UBA6: variants seen among roughly 807,000 people sequenced by gnomAD.
UBA6 encodes ubiquitin like modifier activating enzyme 6, also known as ubiquitin-like modifier-activating enzyme 6.
In UBA6, 87 loss-of-function variants were observed where a neutral mutation model predicts 148.3. The observed-to-expected ratio is 0.59, with a 90% CI of 0.49 to 0.70. The LOEUF is 0.70. UBA6 is among the 30% of genes least tolerant of loss of function. The pLI is 0.00. For missense variants in UBA6, 1,186 were observed against 1,241.2 expected (o/e 0.96, Z 0.67); for synonymous variants, 376 against 401.0 (o/e 0.94, Z 0.75).
intron 17 of UBA6, among the ~76,000 whole-genome samples, chr4:67,643,630 G>C (rs1030008220): frequency 1.3e-5 from 2 of 151,904 alleles, no homozygotes; most frequent in African/African-American, 4.8e-5. Flanking sequence ...TTTCAATTTA[G>C]GATTTTTTCT....
In UBA6 at chr4:67,633,646, G is replaced by A. The variant is rs190187773; in HGVS notation, c.2014-173C>T. Among the ~76,000 whole-genome samples, 49 of 151,676 alleles carry A rather than the reference G, an allele frequency of 3.2e-4. 1 individual carries two copies. Among genetic ancestry groups the A allele is most frequent in the African/African-American group, 1.1e-3 (47 of 41,340 alleles). On this transcript the variant is annotated intron_variant, in intron 22 of 32. Coordinates refer to ENST00000322244, the MANE Select transcript of UBA6 (RefSeq NM_018227.6). ...TTCTTTAACCTTTCTTTTCTTTTCT[G>A]TTTGAGAAGGGGAATGGTAAGAGAT...
chr4:67,662,012 T>C, intron 13 of UBA6, 177 bp downstream of exon 13: 1 of 547,182 alleles, frequency 1.8e-6, no homozygotes, highest in Non-Finnish European at 3.2e-6. Context: ...AATAACCCTA[T>C]GAAGGTAGGT....
intron 1 of UBA6, among the ~76,000 whole-genome samples, chr4:67,697,175 T>G (rs1730861873): frequency 6.6e-6 from 1 of 152,160 alleles, no homozygotes; most frequent in East Asian, 1.9e-4. Context: ...CCAATTAATT[T>G]TGTAATTTTA....
At chr4:67,628,170 C>T (rs1360159187) in intron 27 of UBA6, among the ~76,000 whole-genome samples, 1 of 151,794 alleles carries the variant, frequency 6.6e-6, no homozygotes, top group Admixed American at 6.6e-5. Context: ...GTGACTCTTC[C>T]ACTTCACTGG....
intron 8 of UBA6, among the ~76,000 whole-genome samples, chr4:67,669,616 CA>C (rs1000442851): frequency 5.3e-5 from 8 of 149,834 alleles, no homozygotes; most frequent in African/African-American, 1.7e-4. Context: ...TTCTTTTATG[CA>C]AAAAAAAATT....
At chr4:67,662,920 A>G in intron 12 of UBA6, 1 of 381,010 alleles carries the variant, frequency 2.6e-6, no homozygotes, top group Non-Finnish European at 4.7e-6. Flanking sequence ...AAAGGCTTCA[A>G]AGTGGAAAAA....
intron 9 of UBA6, among the ~76,000 whole-genome samples, chr4:67,665,505 T>A (rs1024366374): frequency 2.7e-5 from 4 of 149,680 alleles, no homozygotes; most frequent in African/African-American, 9.8e-5. Context: ...AATGTGAAAC[T>A]CCAGGACTTA....
intron 13 of UBA6, among the ~76,000 whole-genome samples, chr4:67,651,345 G>C (rs575555321): frequency 3.4e-4 from 52 of 152,204 alleles, no homozygotes; most frequent in South Asian, 1.2e-3. Context: ...ATTTGACTCT[G>C]CATATCAAAA....
intron 13 of UBA6, among the ~76,000 whole-genome samples, chr4:67,654,669 C>A (rs1220715839): frequency 6.6e-6 from 1 of 152,112 alleles, no homozygotes; most frequent in Non-Finnish European, 1.5e-5. Context: ...ATGATGGGAT[C>A]AAATTCACAT....
In UBA6 at chr4:67,701,059, C is replaced by T; in HGVS notation, c.61G>A (p.Gly21Arg). 1 of 1,613,810 alleles carries T rather than the reference C, an allele frequency of 6.2e-7. No individual in the cohort carries two copies. ...TTCTCGTCCTCTCACCTGCCAGTCC[C>T]CCAGGAAGAACAGGACGCCTCTTCC... ...QGEEASCSSW[G>R]TGSTNKNLPI... The change falls in exon 1 of 33, where the codon GGG becomes AGG. Residue 21 changes from glycine to arginine, a missense_variant. Transcript: ENST00000322244.
At chr4:67,678,320 G>GTA in intron 5 of UBA6, 119 bp downstream of exon 5, 1 of 504,752 alleles carries the variant, frequency 2.0e-6, no homozygotes, top group East Asian at 3.4e-5. Flanking sequence ...ATCTTTACCT[G>GTA]TATAAAGTAG....
chr4:67,691,341 GA>G (rs1401892779), intron 2 of UBA6, among the ~76,000 whole-genome samples: 2 of 152,146 alleles, frequency 1.3e-5, no homozygotes, highest in Non-Finnish European at 2.9e-5. Flanking sequence ...CAGTTAAGAG[GA>G]ATGTAAACAG....
rs1728589495 is a variant in UBA6, at chr4:67,614,473, G to A, written c.*4524C>T. The A allele has an allele frequency of 1.3e-5, 2 of 152,100 alleles. No individual in the cohort carries two copies. The highest frequency in any genetic ancestry group is 1.3e-4 in the Admixed American group (2 of 15,266). 9.4% of individuals were successfully genotyped at this position (152,100 alleles called of 1,614,324 possible). A position where few individuals can be genotyped will look rare whatever the true frequency, so the allele number is the denominator to read the frequency against. On this transcript the variant is annotated 3_prime_UTR_variant, in exon 33 of 33. Transcript: ENST00000322244. ...TGATGAAATCTGTATTCACATACGGGTATAATACATGACTTTGGTGGCACT... is the reference window on the plus strand; with the variant it reads ...TGATGAAATCTGTATTCACATACGGATATAATACATGACTTTGGTGGCACT...
At chr4:67,682,074 C>T in intron 3 of UBA6, 45 bp downstream of exon 3, 1 of 1,398,620 alleles carries the variant, frequency 7.1e-7, no homozygotes. Context: ...AAACTATCTT[C>T]ATTGCTCAAA....
At chr4:67,665,430 TG>T (rs1329638922) in intron 9 of UBA6, 138 bp from the exon 10 acceptor site, 27 of 495,888 alleles carry the variant, frequency 5.4e-5, no homozygotes, top group Admixed American at 3.3e-4. Context: ...TTTGTTTGTT[TG>T]TTTTTTTTTT....
At chr4:67,700,833 G>C (rs1001385777) in intron 1 of UBA6, among the ~76,000 whole-genome samples, 1 of 152,148 alleles carries the variant, frequency 6.6e-6, no homozygotes, top group African/African-American at 2.4e-5. Context: ...TCAAAGGTGC[G>C]GAAAGGGGAC....
chr4:67,634,598 T>A (rs1255819345), intron 20 of UBA6, 80 bp from the exon 21 acceptor site: 1 of 982,082 alleles, frequency 1.0e-6, no homozygotes, highest in Non-Finnish European at 1.4e-6. Flanking sequence ...TTTTGAGCTT[T>A]AAGCCTATTA....
At chr4:67,660,871 C>T (rs954625748) in intron 13 of UBA6, among the ~76,000 whole-genome samples, 1 of 152,188 alleles carries the variant, frequency 6.6e-6, no homozygotes, top group African/African-American at 2.4e-5. Context: ...TGAAGCTGCC[C>T]AAGACCATGG....
At chr4:67,699,217 T>C (rs562433535) in intron 1 of UBA6, among the ~76,000 whole-genome samples, 2 of 152,204 alleles carry the variant, frequency 1.3e-5, no homozygotes, top group African/African-American at 4.8e-5. Flanking sequence ...AGAGCTGAGA[T>C]CAATATACTG....
Sources: gnomAD v4.1 joint callset for allele counts (sites outside exome capture counted in the v4.1 genomes callset) on GRCh38, gnomAD v4.1.1 for gene constraint, MANE v1.5 for transcripts, NCBI Gene and HGNC (gene_info 2026-07-23, HGNC 2026-07-21) for gene names.